The following RTN4IP1 variants were observed in gnomAD, a reference collection of about 807,000 sequenced individuals.
RTN4IP1 encodes NAD(P)H oxidoreductase RTN4IP1, mitochondrial.
Under a neutral mutation model 46.6 loss-of-function variants are expected in RTN4IP1, and 32 were observed. The ratio of observed to expected loss-of-function variants is 0.69; its 90% CI spans 0.52 to 0.92. The LOEUF (loss-of-function observed/expected upper bound fraction) is 0.92, where lower values mean the gene tolerates loss of function less well. Ranked by LOEUF, RTN4IP1 falls within the 40% of genes least tolerant of loss-of-function variation. RTN4IP1 has a pLI of 0.00. For synonymous variants in RTN4IP1, 167 were observed against 161.8 expected (o/e 1.03, Z -0.24); for missense variants, 424 against 485.8 (o/e 0.87, Z 1.20).
intron 4 of RTN4IP1, among the ~76,000 whole-genome samples, chr6:106,603,478 T>C (rs901842735): frequency 1.3e-5 from 2 of 152,158 alleles, no homozygotes; most frequent in Non-Finnish European, 2.9e-5. Flanking sequence ...TCATACTGCA[T>C]GTTCTTACCA....
chr6:106,612,628 C>T (rs915012553), intron 4 of RTN4IP1, among the ~76,000 whole-genome samples: 6 of 15,636 alleles, frequency 3.8e-4, no homozygotes, highest in African/African-American at 7.9e-4. Context: ...TACTTTTAAA[C>T]TTCCTCATAA....
intron 5 of RTN4IP1, 99 bp downstream of exon 5, chr6:106,602,775 C>A (rs571992361): frequency 4.0e-6 from 3 of 758,728 alleles, no homozygotes; most frequent in Non-Finnish European, 6.4e-6. Context: ...TTTACCAGAC[C>A]TACCTTTCTC....
intron 5 of RTN4IP1, 47 bp from the exon 6 acceptor site, chr6:106,592,347 G>GA: frequency 6.3e-7 from 1 of 1,583,036 alleles, no homozygotes; most frequent in South Asian, 1.2e-5. Context: ...GGAGAGATTA[G>GA]AAAAACTGAC....
chr6:106,580,066 T>G (rs1228125744), intron 8 of RTN4IP1, among the ~76,000 whole-genome samples: 1 of 151,448 alleles, frequency 6.6e-6, no homozygotes, highest in East Asian at 2.0e-4. Context: ...TACAAAAAAT[T>G]AGCCGGGCAT....
intron 5 of RTN4IP1, among the ~76,000 whole-genome samples, chr6:106,598,662 T>C (rs564516784): frequency 4.7e-4 from 71 of 152,152 alleles, no homozygotes; most frequent in Non-Finnish European, 8.4e-4. Context: ...TTCACTCTGA[T>C]GGTAGTTTCT....
At position 106,572,033 on chromosome 6, in the gene RTN4IP1, C is replaced by T. The variant is rs765484759; in HGVS notation, c.1154G>A (p.Gly385Glu). The change falls in exon 9 of 9, where the codon GGA (glycine) becomes GAA (glutamate). Residue 385 changes from glycine to glutamate, a missense_variant. Physicochemically the swap from Gly to Glu is moderately conservative, Grantham distance 98 (BLOSUM62 -2). Transcript: ENST00000369063. ...VPEAFLKVER[G>E]HARGKTVINV... Reference sequence around the variant, plus strand: ...AATTACAGTCTTTCCTCGTGCGTGTCCTCTTTCCACCTTCAGGAAGGCTTC... The same window carrying T: ...AATTACAGTCTTTCCTCGTGCGTGTTCTCTTTCCACCTTCAGGAAGGCTTC... 3.7e-6 allele frequency: 6 copies of T among 1,613,664 alleles called. No individual in the cohort carries two copies. Among genetic ancestry groups the T allele is most frequent in the African/African-American group, 1.3e-5 (1 of 74,888 alleles).
chr6:106,610,042 C>T lies in RTN4IP1; in HGVS notation c.621-7120G>A, dbSNP rs560099787. On this transcript the variant is annotated intron_variant, in intron 4 of 8. Transcript: ENST00000369063. ...TTCAACCATATCTTTCTTCAAAGTC[C>T]CCAAAAAGAGAGTAGGCAAAATAAA... is the stretch of plus-strand genomic sequence containing the variant. Among the ~76,000 whole-genome samples the T allele has an allele frequency of 8.6e-5, 13 of 151,782 alleles. No homozygotes were observed. In the South Asian group the frequency reaches 2.7e-3, roughly 32 times the overall value.
upstream of RTN4IP1, chr6:106,629,556 A>T: frequency 8.3e-7 from 1 of 1,198,472 alleles, no homozygotes; most frequent in East Asian, 2.6e-5. Flanking sequence ...AACCAATCCA[A>T]GTACTCGGTG....
intron 1 of RTN4IP1, among the ~76,000 whole-genome samples, chr6:106,625,355 A>G (rs1428457558): frequency 6.6e-6 from 1 of 152,116 alleles, no homozygotes; most frequent in African/African-American, 2.4e-5. Flanking sequence ...AAGGAGACTA[A>G]GGCGGCAGTT....
At chr6:106,595,794 A>G (rs528658656) in intron 5 of RTN4IP1, among the ~76,000 whole-genome samples, 2 of 152,182 alleles carry the variant, frequency 1.3e-5, no homozygotes, top group Admixed American at 1.3e-4. Context: ...CAACGCGTCC[A>G]GCCTGAATAC....
At chr6:106,622,728 G>A (rs1776512844) in intron 2 of RTN4IP1, 90 bp downstream of exon 2, 2 of 1,355,100 alleles carry the variant, frequency 1.5e-6, no homozygotes, top group Non-Finnish European at 2.0e-6. Context: ...GACAGGCAAA[G>A]TATCTGTGTC....
chr6:106,598,168 G>C (rs1200991992), intron 5 of RTN4IP1, among the ~76,000 whole-genome samples: 1 of 152,046 alleles, frequency 6.6e-6, no homozygotes, highest in Non-Finnish European at 1.5e-5. Context: ...GTGTGCATGT[G>C]TCTTTATAGT....
chr6:106,581,746 A>G (rs904939307), intron 8 of RTN4IP1, among the ~76,000 whole-genome samples: 4 of 152,248 alleles, frequency 2.6e-5, no homozygotes, highest in African/African-American at 9.6e-5. Flanking sequence ...GTAGATATAT[A>G]CAAGTCACCT....
At chr6:106,589,631 A>G (rs1346815506) in intron 6 of RTN4IP1, among the ~76,000 whole-genome samples, 1 of 152,120 alleles carries the variant, frequency 6.6e-6, no homozygotes, top group Non-Finnish European at 1.5e-5. Context: ...TCTGCCCTTC[A>G]CTTTCTCAAC....
upstream of RTN4IP1, chr6:106,629,762 G>T: frequency 2.5e-6 from 4 of 1,571,758 alleles, no homozygotes; most frequent in Non-Finnish European, 3.5e-6. Context: ...AACGGACTTC[G>T]TTGACAAAGA....
rs529375408 is a variant in RTN4IP1, at chr6:106,614,435, A to C, written c.620+4767T>G. Among the ~76,000 whole-genome samples, 27 of 152,286 alleles carry C rather than the reference A, an allele frequency of 1.8e-4. No homozygotes were observed. The East Asian group carries it at 5.2e-3, about 29-fold the overall frequency. On this transcript the variant is annotated intron_variant, in intron 4 of 8. Coordinates refer to ENST00000369063, the MANE Select transcript of RTN4IP1 (RefSeq NM_032730.5). ...AGAGAACATCTGACTGGAACTCAGT[A>C]AGAGGACAGAGTTAGAAATACAGAT...
intron 2 of RTN4IP1, among the ~76,000 whole-genome samples, 187 bp from the exon 3 acceptor site, chr6:106,621,680 T>G (rs1776490276): frequency 6.6e-6 from 1 of 152,226 alleles, no homozygotes; most frequent in African/African-American, 2.4e-5. Context: ...ATTTATCAAG[T>G]CAAACCACGC....
intron 7 of RTN4IP1, among the ~76,000 whole-genome samples, chr6:106,584,280 C>A (rs746334485): frequency 1.3e-5 from 2 of 152,134 alleles, no homozygotes; most frequent in African/African-American, 2.4e-5. Flanking sequence ...TAGGCCATTA[C>A]GGAAACAGCA....
Position 106,575,228 on chromosome 6 carries a change from G to A in RTN4IP1, c.1084-3125C>T, listed in dbSNP as rs139712473. Among the ~76,000 whole-genome samples, 147 of 152,316 alleles carry A rather than the reference G, an allele frequency of 9.7e-4. 2 individuals are homozygous for A. The highest frequency in any genetic ancestry group is 3.3e-3 in the African/African-American group (138 of 41,560). On this transcript the variant is annotated intron_variant, in intron 8 of 8. Transcript: ENST00000369063. ...GGCACAGGGAGCCCTGTTATAAAGC[G>A]GGCAGGCTCAACACCATGCTTCCCA...
Sources: gnomAD v4.1 joint callset for allele counts (sites outside exome capture counted in the v4.1 genomes callset) on GRCh38, gnomAD v4.1.1 for gene constraint, MANE v1.5 for transcripts, NCBI Gene and HGNC (gene_info 2026-07-23, HGNC 2026-07-21) for gene names.